The following FHIT variants were observed in gnomAD, a reference collection of about 807,000 sequenced individuals.
FHIT encodes bis(5'-adenosyl)-triphosphatase.
In FHIT, 19 loss-of-function variants were observed where a neutral mutation model predicts 17.9. The observed-to-expected ratio is 1.06, with a 90% confidence interval of 0.74 to 1.56. The LOEUF is 1.56. Ranked by LOEUF, FHIT falls within the 40% of genes most tolerant of loss-of-function variation. The pLI is 0.00. For synonymous variants in FHIT, 81 were observed against 69.7 expected (o/e 1.16, Z -0.81); for missense variants, 248 against 189.2 (o/e 1.31, Z -1.82).
intron 2 of FHIT, among the ~76,000 whole-genome samples, chr3:61,171,396 G>C (rs2037999859): frequency 6.6e-6 from 1 of 152,056 alleles, no homozygotes; most frequent in Non-Finnish European, 1.5e-5. Flanking sequence ...CCATTCTATA[G>C]GTTGTCTGTT....
chr3:60,596,531 A>G (rs182515154), intron 4 of FHIT, among the ~76,000 whole-genome samples: 4 of 152,134 alleles, frequency 2.6e-5, no homozygotes, highest in African/African-American at 9.7e-5. Context: ...TGGATCTCCA[A>G]AACAGACAAG....
intron 4 of FHIT, among the ~76,000 whole-genome samples, chr3:60,711,556 T>C (rs1448065348): frequency 1.3e-5 from 2 of 152,146 alleles, no homozygotes; most frequent in African/African-American, 4.8e-5. Flanking sequence ...ATAACTAGAA[T>C]AACCAATACA....
Position 60,386,950 on chromosome 3 carries a change from G to T in FHIT, c.103+149910C>A, listed in dbSNP as rs1701034384. On this transcript the variant is annotated intron_variant, in intron 5 of 9. Transcript: ENST00000492590. ...AGGGTTAAAGCTGGGATTCTAATCT[G>T]GTCTGCTCTTGAAAGTCCCCACTTG... 2.6e-5 allele frequency among the ~76,000 whole-genome samples: 4 copies of T among 151,848 alleles called. No homozygotes were observed. In the South Asian group the frequency reaches 8.4e-4, roughly 32 times the overall value.
intron 5 of FHIT, among the ~76,000 whole-genome samples, chr3:60,413,515 T>C (rs1345265126): frequency 1.3e-5 from 2 of 152,214 alleles, no homozygotes; most frequent in Admixed American, 6.5e-5. Flanking sequence ...GACCCTGATA[T>C]ACCACATGTT....
chr3:60,569,091 A>G lies in FHIT; in HGVS notation c.-17-32112T>C, dbSNP rs183025038. On this transcript the variant is annotated intron_variant, in intron 4 of 9. Transcript: ENST00000492590. ...ATTGCCTGTCTGTGGCTGAAACCCA[A>G]ACATTTTCCTATTACAGTTTAAGTG... Among the ~76,000 whole-genome samples the G allele has an allele frequency of 6.6e-5, 10 of 152,140 alleles. No homozygotes were observed. In the East Asian group the frequency reaches 1.9e-3, roughly 29 times the overall value.
rs141763792 is a variant in FHIT, at chr3:61,076,042, A to C, written c.-163-33943T>G. ...CTATGACCAAGTTACTAATATCTTC[A>C]TTTTACAGAGAAGGGAAGTAAGCTA... On this transcript the variant is annotated intron_variant, in intron 2 of 9. Transcript: ENST00000492590. Among the ~76,000 whole-genome samples, 8 of 152,300 alleles carry C rather than the reference A, an allele frequency of 5.3e-5. No individual in the cohort carries two copies. In the East Asian group the frequency reaches 1.5e-3, roughly 29 times the overall value.
At position 60,449,799 on chromosome 3, in the gene FHIT, T is replaced by A. The variant is rs148331972; in HGVS notation, c.103+87061A>T. Among the ~76,000 whole-genome samples, 137 of 151,644 alleles carry A rather than the reference T, an allele frequency of 9.0e-4. 2 individuals are homozygous for A. In the East Asian group the frequency reaches 0.022, roughly 25 times the overall value. The stretch of plus-strand genomic sequence containing the variant: ...GTGGGTGCATCACAAGGTCAAGAGA[T>A]CAAGACCATCCTGGCCAATATGGTG... On this transcript the variant is annotated intron_variant, in intron 5 of 9. Coordinates refer to ENST00000492590, the MANE Select transcript of FHIT (RefSeq NM_002012.4).
intron 5 of FHIT, among the ~76,000 whole-genome samples, chr3:60,282,690 C>T (rs888269188): frequency 1.3e-5 from 2 of 151,898 alleles, no homozygotes; most frequent in Non-Finnish European, 2.9e-5. Flanking sequence ...GGAATAGTGG[C>T]GACACGGAAG....
chr3:59,789,570 A>G (rs1455389014), intron 8 of FHIT, among the ~76,000 whole-genome samples: 1 of 152,228 alleles, frequency 6.6e-6, no homozygotes, highest in Non-Finnish European at 1.5e-5. Flanking sequence ...TTGAAATGGT[A>G]TCTTTTAAAT....
At chr3:60,434,346 A>G (rs767774672) in intron 5 of FHIT, among the ~76,000 whole-genome samples, 1 of 152,150 alleles carries the variant, frequency 6.6e-6, no homozygotes, top group Non-Finnish European at 1.5e-5. Flanking sequence ...AGAATAGGCA[A>G]GTTAAATACT....
intron 4 of FHIT, among the ~76,000 whole-genome samples, chr3:60,557,329 G>A (rs907281542): frequency 2.6e-5 from 4 of 151,978 alleles, no homozygotes; most frequent in African/African-American, 4.8e-5. Flanking sequence ...ATTATGTGCT[G>A]TACTTTTTTC....
intron 5 of FHIT, among the ~76,000 whole-genome samples, chr3:60,231,477 T>C (rs1055135117): frequency 2.6e-5 from 4 of 152,166 alleles, no homozygotes; most frequent in Non-Finnish European, 5.9e-5. Context: ...CAACCTGACT[T>C]CTAGCACCAC....
chr3:59,941,703 G>A (rs1417654338), intron 7 of FHIT, among the ~76,000 whole-genome samples: 3 of 152,138 alleles, frequency 2.0e-5, no homozygotes, highest in Admixed American at 6.5e-5. Flanking sequence ...TGAGGCCCAC[G>A]AGAGAGATGC....
intron 3 of FHIT, among the ~76,000 whole-genome samples, chr3:60,995,766 A>C (rs1298185917): frequency 1.3e-5 from 2 of 152,172 alleles, no homozygotes; most frequent in African/African-American, 4.8e-5. Context: ...AAATTATCAT[A>C]TTGTGTAAAT....
chr3:60,036,876 T>A (rs540866402), intron 5 of FHIT, among the ~76,000 whole-genome samples: 14 of 152,324 alleles, frequency 9.2e-5, no homozygotes, highest in Admixed American at 7.2e-4. Context: ...AATTTAAAGC[T>A]TCTAAGCTGT....
At chr3:60,653,917 C>T (rs1178475594) in intron 4 of FHIT, among the ~76,000 whole-genome samples, 5 of 152,156 alleles carry the variant, frequency 3.3e-5, no homozygotes, top group African/African-American at 4.8e-5. Context: ...ATGTAATCCC[C>T]GGTGCTGGAG....
At chr3:61,101,878 T>C (rs2035842088) in intron 2 of FHIT, among the ~76,000 whole-genome samples, 2 of 152,162 alleles carry the variant, frequency 1.3e-5, no homozygotes. Context: ...TGTGTAGGAA[T>C]GCTTGTGATT....
At chr3:60,256,386 T>C (rs538250107) in intron 5 of FHIT, among the ~76,000 whole-genome samples, 1 of 152,342 alleles carries the variant, frequency 6.6e-6, no homozygotes, top group East Asian at 1.9e-4. Context: ...TAAGATTTCT[T>C]AGAATCCAGA....
In FHIT at chr3:61,114,248, C is replaced by T. The variant is rs187554037; in HGVS notation, c.-163-72149G>A. On this transcript the variant is annotated intron_variant, in intron 2 of 9. Coordinates refer to ENST00000492590, the MANE Select transcript of FHIT (RefSeq NM_002012.4). ...CAGAATTCTCAGTCCTCTGAGGAACCTAGCAACTAGTGTTTTCTTACCTGG... is the reference window on the plus strand; with the variant it reads ...CAGAATTCTCAGTCCTCTGAGGAACTTAGCAACTAGTGTTTTCTTACCTGG... Among the ~76,000 whole-genome samples, 505 of 152,260 alleles carry T rather than the reference C, an allele frequency of 3.3e-3. 4 individuals carry two copies. The highest frequency in any genetic ancestry group is 6.8e-3 in the Middle Eastern group (2 of 294).
Sources: gnomAD v4.1 joint callset for allele counts (sites outside exome capture counted in the v4.1 genomes callset) on GRCh38, gnomAD v4.1.1 for gene constraint, MANE v1.5 for transcripts, NCBI Gene and HGNC (gene_info 2026-07-23, HGNC 2026-07-21) for gene names.